The following TTBK2 variants were observed in gnomAD, a reference collection of about 807,000 sequenced individuals.
The protein encoded by TTBK2 is tau-tubulin kinase 2.
A neutral mutation model predicts 110.8 loss-of-function variants in TTBK2; 28 were observed. That is an observed-to-expected ratio of 0.25 (90% CI 0.19 to 0.35). The LOEUF is 0.35. Among genes scored for constraint, TTBK2 ranks in the 10% least tolerant of loss-of-function variants. The pLI is 1.00. For missense variants in TTBK2, 1,369 were observed against 1,500.3 expected, an observed-to-expected ratio of 0.91 and a Z score of 1.45; for synonymous variants, 532 against 527.3, an observed-to-expected ratio of 1.01 and a Z score of -0.12.
intron 4 of TTBK2, among the ~76,000 whole-genome samples, chr15:42,831,020 ATATG>A (rs950660054): frequency 1.7e-4 from 22 of 129,998 alleles, no homozygotes; most frequent in African/African-American, 8.8e-4. Flanking sequence ...AAAAATGTAT[ATATG>A]TGTGTGTGTG....
chr15:42,899,719 C>T (rs1331689291), intron 1 of TTBK2, among the ~76,000 whole-genome samples: 2 of 150,568 alleles, frequency 1.3e-5, no homozygotes, highest in Non-Finnish European at 3.0e-5. Context: ...AGCCTAGTGA[C>T]AGAGCAAGAC....
intron 10 of TTBK2, among the ~76,000 whole-genome samples, chr15:42,789,854 T>TACACACACACACACACACACACAC (rs58536399): frequency 1.3e-3 from 196 of 147,916 alleles, no homozygotes; most frequent in South Asian, 2.9e-3. Flanking sequence ...ATACATACAA[T>TACACACACACACACACACACACAC]ACACACACAC....
chr15:42,750,199 T>A (rs1347942539), intron 14 of TTBK2, among the ~76,000 whole-genome samples: 2 of 151,230 alleles, frequency 1.3e-5, no homozygotes, highest in African/African-American at 4.9e-5. Flanking sequence ...ACAAAAAAAA[T>A]AAAAAAACTT....
At chr15:42,826,397 G>A (rs1163961647) in intron 6 of TTBK2, among the ~76,000 whole-genome samples, 1 of 152,122 alleles carries the variant, frequency 6.6e-6, no homozygotes, top group Non-Finnish European at 1.5e-5. Flanking sequence ...GTCCATTTAC[G>A]ATATTGACAG....
chr15:42,878,492 TACACACACACACAC>T (rs10650948), intron 2 of TTBK2, 43 bp downstream of exon 2: 18 of 1,542,298 alleles, frequency 1.2e-5, no homozygotes, highest in Admixed American at 3.5e-5. Flanking sequence ...CCGATATGTA[TACACACACACACAC>T]ACACACACAC....
At chr15:42,797,351 G>A (rs1289343307) in intron 9 of TTBK2, among the ~76,000 whole-genome samples, 1 of 152,144 alleles carries the variant, frequency 6.6e-6, no homozygotes, top group African/African-American at 2.4e-5. Flanking sequence ...TGTATTCTAT[G>A]GCACTGGACC....
intron 12 of TTBK2, among the ~76,000 whole-genome samples, chr15:42,775,928 C>T (rs1029021853): frequency 6.6e-6 from 1 of 152,188 alleles, no homozygotes; most frequent in Admixed American, 6.5e-5. Context: ...CTTTCCTCAG[C>T]AAGGCCCTTT....
In TTBK2 at chr15:42,815,956, A is replaced by ATATATATATATATATAT. The variant is rs1256399173; in HGVS notation, c.603+1075_603+1076insATATATATATATATATA. ...AATATATATATATATATTTAAAAAAAAAATATATATATATATATATATTTG... is the reference window on the plus strand; with the variant it reads ...AATATATATATATATATTTAAAAAAATATATATATATATATATAAATATATATATATATATATATTTG... On this transcript the variant is annotated intron_variant, in intron 7 of 14. Coordinates refer to ENST00000267890, the MANE Select transcript of TTBK2 (RefSeq NM_173500.4). Among the ~76,000 whole-genome samples the ATATATATATATATATAT allele has an allele frequency of 1.1e-4, 7 of 63,950 alleles. No homozygotes were observed. In the South Asian group the frequency reaches 1.9e-3, roughly 17 times the overall value. 42.0% of individuals were successfully genotyped at this position (63,950 alleles called of 152,430 possible). A position where few individuals can be genotyped will look rare whatever the true frequency, so the allele number is the denominator to read the frequency against.
At chr15:42,919,169 T>C (rs935949234) in intron 1 of TTBK2, among the ~76,000 whole-genome samples, 3 of 152,224 alleles carry the variant, frequency 2.0e-5, no homozygotes, top group Non-Finnish European at 4.4e-5. Context: ...TGTTTTCAAT[T>C]TGCATAGATC....
At chr15:42,840,767 C>G (rs550668148) in intron 3 of TTBK2, among the ~76,000 whole-genome samples, 4 of 152,236 alleles carry the variant, frequency 2.6e-5, no homozygotes, top group Non-Finnish European at 5.9e-5. Flanking sequence ...TATGAAGCCA[C>G]AGAAGAGCAA....
intron 3 of TTBK2, among the ~76,000 whole-genome samples, chr15:42,847,388 T>A (rs186668443): frequency 5.9e-5 from 9 of 152,390 alleles, no homozygotes; most frequent in African/African-American, 2.2e-4. Flanking sequence ...CTTTTCATTC[T>A]CTTCATAATG....
intron 9 of TTBK2, chr15:42,802,424 C>G: frequency 1.4e-6 from 1 of 722,262 alleles, no homozygotes; most frequent in South Asian, 1.4e-5. Context: ...GCAGGCGGGC[C>G]GAACCAGACG....
chr15:42,850,978 C>T (rs543848304), intron 3 of TTBK2, among the ~76,000 whole-genome samples: 2 of 151,978 alleles, frequency 1.3e-5, no homozygotes, highest in Admixed American at 1.3e-4. Context: ...GTAATCCCAA[C>T]ACTTTGGGAG....
chr15:42,800,172 A>AT (rs898782032), intron 9 of TTBK2: 2 of 391,770 alleles, frequency 5.1e-6, no homozygotes, highest in African/African-American at 4.3e-5. Flanking sequence ...TAGATTTTCT[A>AT]TTTTTCTGTT....
rs57172551 is a variant in TTBK2, at chr15:42,748,722, A to C, written c.3273-2465T>G. On this transcript the variant is annotated intron_variant, in intron 14 of 14. Transcript: ENST00000267890. ...GCCACCACATTTGGCCCTGGAAAGC[A>C]CTCTTCACTGGTTTACCACCTCCCA... 7.5e-4 allele frequency among the ~76,000 whole-genome samples: 114 copies of C among 152,022 alleles called. 1 individual carries two copies. The East Asian group carries it at 0.022, about 29-fold the overall frequency.
chr15:42,759,510 T>C (rs1292332243), intron 13 of TTBK2, among the ~76,000 whole-genome samples: 2 of 152,186 alleles, frequency 1.3e-5, no homozygotes, highest in Non-Finnish European at 2.9e-5. Context: ...CCAACCCCAG[T>C]GAGCCAGACT....
intron 12 of TTBK2, 101 bp from the exon 13 acceptor site, chr15:42,775,824 A>G: frequency 1.1e-6 from 1 of 901,812 alleles, no homozygotes; most frequent in Non-Finnish European, 1.6e-6. Flanking sequence ...AAGATGAGAG[A>G]AAAAAAGATG....
intron 13 of TTBK2, among the ~76,000 whole-genome samples, chr15:42,760,465 A>G (rs1056537526): frequency 6.6e-6 from 1 of 152,066 alleles, no homozygotes; most frequent in African/African-American, 2.4e-5. Flanking sequence ...AACAGACTAG[A>G]CCAGGCAGAA....
chr15:42,865,624 G>A (rs554492138), intron 3 of TTBK2, among the ~76,000 whole-genome samples: 1 of 151,374 alleles, frequency 6.6e-6, no homozygotes, highest in Admixed American at 6.6e-5. Context: ...GGAGTTGGGG[G>A]CCGGTCTGGG....
Sources: allele counts gnomAD v4.1 joint callset (sites outside exome capture counted in the v4.1 genomes callset), GRCh38; gene constraint gnomAD v4.1.1; transcripts MANE v1.5; gene names NCBI Gene and HGNC (gene_info 2026-07-23, HGNC 2026-07-21).